TIPARP: variants seen among roughly 807,000 people sequenced by gnomAD.
TIPARP encodes TCDD inducible poly(ADP-ribose) polymerase, also known as protein mono-ADP-ribosyltransferase TIPARP.
A neutral mutation model predicts 56.5 loss-of-function variants in TIPARP; 12 were observed. The ratio of observed to expected loss-of-function variants is 0.21; its 90% CI spans 0.14 to 0.34. The LOEUF (loss-of-function observed/expected upper bound fraction) is 0.34, where lower values mean the gene tolerates loss of function less well. Ranked by LOEUF, TIPARP falls within the 10% of genes least tolerant of loss-of-function variation. The pLI, the probability that TIPARP is intolerant of heterozygous loss-of-function variation, is 1.00. For missense variants in TIPARP, 604 were observed against 781.6 expected (o/e 0.77, Z 2.71); for synonymous variants, 296 against 265.7 (o/e 1.11, Z -1.11).
Position 156,694,781 on chromosome 3 carries a change from A to G in TIPARP, c.1086+593A>G, listed in dbSNP as rs530795389. ...TGGTTTACTTTGCTTCTGAATGACA[A>G]TTCTGAGTCATTTAAACAACCTCAA... On this transcript the variant is annotated intron_variant, in intron 3 of 5. Coordinates refer to ENST00000295924, the MANE Select transcript of TIPARP (RefSeq NM_015508.5). Among the ~76,000 whole-genome samples the G allele has an allele frequency of 3.3e-5, 5 of 152,360 alleles. No individual in the cohort carries two copies. The South Asian group carries it at 8.3e-4, about 25-fold the overall frequency.
chr3:156,680,207 A>G (rs1425317586), intron 2 of TIPARP, among the ~76,000 whole-genome samples: 2 of 152,196 alleles, frequency 1.3e-5, no homozygotes, highest in Admixed American at 6.5e-5. Context: ...TTTCCTGACT[A>G]TAAATGTATT....
At position 156,706,105 on chromosome 3, in the gene TIPARP, C is replaced by T. The variant is rs930616496; in HGVS notation, c.*974C>T. ...GAATTATTGGTAGATGGCAGTCCCA[C>T]TCCTACACCTGCTTTGTCAGATACA... On this transcript the variant is annotated 3_prime_UTR_variant, in exon 6 of 6. Transcript: ENST00000295924. 2 of 152,648 alleles carry T rather than the reference C, an allele frequency of 1.3e-5. No individual in the cohort carries two copies. The highest frequency in any genetic ancestry group is 2.4e-5 in the African/African-American group (1 of 41,438). The allele number at this position is 152,648 out of a possible 1,614,324, so 9.5% of individuals were successfully genotyped here.
intron 4 of TIPARP, among the ~76,000 whole-genome samples, chr3:156,700,681 A>C (rs1030132381): frequency 1.3e-5 from 2 of 152,226 alleles, no homozygotes; most frequent in Non-Finnish European, 2.9e-5. Flanking sequence ...TATCCCATGC[A>C]GTCACCTCAT....
chr3:156,680,573 C>T lies in TIPARP; in HGVS notation c.917+1959C>T, dbSNP rs533160596. On this transcript the variant is annotated intron_variant, in intron 2 of 5. Transcript: ENST00000295924. ...GCATCTTGGTACATTAAGTTTCTAT[C>T]TGTTTGAATTGATCAGGAAGAAACT... is the stretch of plus-strand genomic sequence containing the variant. 5.3e-5 allele frequency among the ~76,000 whole-genome samples: 8 copies of T among 152,240 alleles called. No homozygotes were observed. In the East Asian group the frequency reaches 1.5e-3, roughly 29 times the overall value.
intron 2 of TIPARP, among the ~76,000 whole-genome samples, chr3:156,682,474 G>T (rs1475150574): frequency 1.3e-5 from 2 of 152,158 alleles, no homozygotes; most frequent in African/African-American, 4.8e-5. Flanking sequence ...TTTAAACTCT[G>T]TCCAAGGGAC....
Position 156,703,598 on chromosome 3 carries a change from T to C in TIPARP, c.1422T>C (p.Tyr474=). The C allele has an allele frequency of 3.7e-6, 6 of 1,614,242 alleles. No homozygotes were observed. The highest frequency in any genetic ancestry group is 2.2e-5 in the East Asian group (1 of 44,884). The stretch of plus-strand genomic sequence containing the variant: ...CTGTTTCTGCAGAGGATAAAAGTTA[T>C]CGGATCATTTACAATCTTTTTCATA... The part of the protein sequence containing the change: ...QVPVSAEDKS[Y]RIIYNLFHKT... The change falls in exon 5 of 6, where the codon TAT becomes TAC. Residue 474 remains tyrosine (Y), a synonymous_variant. Coordinates refer to ENST00000295924, the MANE Select transcript of TIPARP (RefSeq NM_015508.5).
At chr3:156,681,346 A>G (rs1722298624) in intron 2 of TIPARP, among the ~76,000 whole-genome samples, 1 of 152,206 alleles carries the variant, frequency 6.6e-6, no homozygotes, top group South Asian at 2.1e-4. Context: ...ATTCAGAAAT[A>G]ATGAATGGCA....
At chr3:156,691,228 A>G (rs1330832612) in intron 2 of TIPARP, among the ~76,000 whole-genome samples, 5 of 152,096 alleles carry the variant, frequency 3.3e-5, no homozygotes, top group Non-Finnish European at 5.9e-5. Flanking sequence ...TGTTATTTAA[A>G]CTGCTTCTAA....
At chr3:156,676,974 C>G (rs1008989592) in intron 1 of TIPARP, among the ~76,000 whole-genome samples, 1 of 152,270 alleles carries the variant, frequency 6.6e-6, no homozygotes, top group African/African-American at 2.4e-5. Flanking sequence ...TGTTACTAAA[C>G]ACACCCTTGT....
intron 5 of TIPARP, 59 bp downstream of exon 5, chr3:156,703,761 C>A (rs1359228141): frequency 3.9e-5 from 60 of 1,536,074 alleles, no homozygotes; most frequent in Non-Finnish European, 5.1e-5. Flanking sequence ...AGCCTGTAAT[C>A]CCAGCACTTT....
chr3:156,699,491 G>GT (rs902104371), intron 4 of TIPARP, among the ~76,000 whole-genome samples: 4 of 152,078 alleles, frequency 2.6e-5, no homozygotes, highest in Non-Finnish European at 4.4e-5. Context: ...GATTGTTAGT[G>GT]TTTTTTAGCA....
In TIPARP at chr3:156,677,879, A is replaced by G. The variant is rs1194403954; in HGVS notation, c.182A>G (p.Asn61Ser). The G allele has an allele frequency of 1.2e-6, 2 of 1,614,128 alleles. No homozygotes were observed. Among genetic ancestry groups the G allele is most frequent in the Admixed American group, 1.7e-5 (1 of 60,010 alleles). The change falls in exon 2 of 6, where the codon AAC becomes AGC. Residue 61 changes from asparagine to serine, a missense_variant. By Grantham distance (46) the Asn-to-Ser change is conservative. Coordinates refer to ENST00000295924, the MANE Select transcript of TIPARP (RefSeq NM_015508.5). ...CTGAGGTCTTTGAGGCCAATATTAA[A>G]CACTCTTCTAGAATCTGGCTCACTT... ...GTLRSLRPIL[N>S]TLLESGSLDG...
chr3:156,699,182 T>TA (rs1192171752), intron 4 of TIPARP, among the ~76,000 whole-genome samples: 2 of 152,182 alleles, frequency 1.3e-5, no homozygotes, highest in African/African-American at 4.8e-5. Flanking sequence ...ATTTTTGAAA[T>TA]AATAAAGGGT....
chr3:156,699,257 T>C (rs895638103), intron 4 of TIPARP, among the ~76,000 whole-genome samples: 1 of 152,232 alleles, frequency 6.6e-6, no homozygotes, highest in Non-Finnish European at 1.5e-5. Flanking sequence ...GACTGCAACT[T>C]TGAAAGAAGT....
intron 2 of TIPARP, among the ~76,000 whole-genome samples, chr3:156,685,766 C>A (rs891765414): frequency 6.6e-6 from 1 of 152,202 alleles, no homozygotes; most frequent in Non-Finnish European, 1.5e-5. Context: ...CATCTTTGGT[C>A]TAAATTTTCA....
intron 4 of TIPARP, among the ~76,000 whole-genome samples, chr3:156,697,463 G>A (rs538796602): frequency 1.0e-4 from 14 of 137,844 alleles, no homozygotes; most frequent in African/African-American, 3.8e-4. Context: ...TTTTGTAAAA[G>A]TATGAACTAT....
chr3:156,677,626 T>A (rs1316067710), intron 1 of TIPARP, 31 bp from the exon 2 acceptor site: 1 of 1,422,626 alleles, frequency 7.0e-7, no homozygotes, highest in East Asian at 2.3e-5. Context: ...TGTCAGTTTG[T>A]AAATGATCAT....
At chr3:156,692,832 G>A (rs1049014981) in intron 2 of TIPARP, among the ~76,000 whole-genome samples, 3 of 152,086 alleles carry the variant, frequency 2.0e-5, no homozygotes, top group African/African-American at 7.2e-5. Flanking sequence ...AAATGTGCTA[G>A]CTAGCAAAAC....
At chr3:156,687,808 A>G (rs745469512) in intron 2 of TIPARP, among the ~76,000 whole-genome samples, 2 of 152,224 alleles carry the variant, frequency 1.3e-5, no homozygotes, top group Non-Finnish European at 2.9e-5. Context: ...TGAATCAGAC[A>G]TGAGGTTTGG....
Sources: gnomAD v4.1 joint callset for allele counts (sites outside exome capture counted in the v4.1 genomes callset) on GRCh38, gnomAD v4.1.1 for gene constraint, MANE v1.5 for transcripts, NCBI Gene and HGNC (gene_info 2026-07-23, HGNC 2026-07-21) for gene names.